LRRC37A2: variants seen among roughly 807,000 people sequenced by gnomAD.
The protein encoded by LRRC37A2 is leucine rich repeat containing 37 member A2, also known as leucine-rich repeat-containing protein 37A2.
A neutral mutation model predicts 68.8 loss-of-function variants in LRRC37A2; 9 were observed. That is an observed-to-expected ratio of 0.13 (90% CI 0.08 to 0.23). The LOEUF is 0.23. Among genes scored for constraint, LRRC37A2 ranks in the 10% least tolerant of loss-of-function variants. The probability of loss-of-function intolerance (pLI) is 1.00; values close to 1 mark genes in which losing one functional copy is unlikely to be tolerated. For missense variants in LRRC37A2, 168 were observed against 950.4 expected, an observed-to-expected ratio of 0.18 and a Z score of 10.82; for synonymous variants, 63 against 367.6, an observed-to-expected ratio of 0.17 and a Z score of 9.48.
the LRRC37A2 span, among the ~76,000 whole-genome samples, chr17:46,635,745 A>C: frequency 1.6e-5 from 2 of 121,846 alleles, no homozygotes; most frequent in East Asian, 4.1e-4. Context: ...ATTTTAGGAC[A>C]AGTATCTTCA....
chr17:46,796,554 T>C, the LRRC37A2 span, among the ~76,000 whole-genome samples: 1 of 152,194 alleles, frequency 6.6e-6, no homozygotes, highest in African/African-American at 2.4e-5. Flanking sequence ...AGAGATCCCA[T>C]CTGTATGTCC....
chr17:46,755,542 C>T, the LRRC37A2 span: 75 of 701,856 alleles, frequency 1.1e-4, 1 homozygote, highest in African/African-American at 1.3e-3. Flanking sequence ...TGTTGGTTTG[C>T]TCTCCCTGTC....
At chr17:46,760,152 T>TA in the LRRC37A2 span, among the ~76,000 whole-genome samples, 1 of 152,108 alleles carries the variant, frequency 6.6e-6, no homozygotes, top group Admixed American at 6.6e-5. Flanking sequence ...GAGTCCTAGT[T>TA]ACTTGGGAGG....
At chr17:46,858,414 GA>G in the LRRC37A2 span, among the ~76,000 whole-genome samples, 2 of 152,170 alleles carry the variant, frequency 1.3e-5, no homozygotes, top group Non-Finnish European at 2.9e-5. Context: ...TTCTACCCAA[GA>G]AATCTCTGCC....
At chr17:46,827,698 G>C in the LRRC37A2 span, among the ~76,000 whole-genome samples, 1 of 152,130 alleles carries the variant, frequency 6.6e-6, no homozygotes, top group Admixed American at 6.6e-5. Context: ...GTGTAGGGTA[G>C]TTGGATTAAA....
At chr17:47,019,087 A>G in the LRRC37A2 span, 10 of 1,294,146 alleles carry the variant, frequency 7.7e-6, no homozygotes, top group Non-Finnish European at 1.0e-5. Context: ...ACACCCCCGA[A>G]GAGGACTATA....
chr17:46,953,294 A>G, the LRRC37A2 span, among the ~76,000 whole-genome samples: 73,103 of 150,984 alleles, frequency 0.48, 17,609 homozygotes, highest in Middle Eastern at 0.56. Flanking sequence ...GAGAACATGC[A>G]GTGTTTGGTT....
chr17:46,911,547 G>A, the LRRC37A2 span: 1 of 152,226 alleles, frequency 6.6e-6, no homozygotes, highest in African/African-American at 2.4e-5. Context: ...AGCTTTGGAT[G>A]TTTTACGTAA....
chr17:46,804,035 T>C, the LRRC37A2 span, among the ~76,000 whole-genome samples: 1 of 152,072 alleles, frequency 6.6e-6, no homozygotes. Flanking sequence ...GCATTGACCT[T>C]GACTTGCATA....
the LRRC37A2 span, among the ~76,000 whole-genome samples, chr17:46,737,226 A>C: frequency 6.6e-6 from 1 of 152,212 alleles, no homozygotes; most frequent in East Asian, 1.9e-4. Context: ...GTCAAGTAGC[A>C]AATGAAGGTT....
the LRRC37A2 span, among the ~76,000 whole-genome samples, chr17:46,864,785 C>T: frequency 6.6e-6 from 1 of 152,170 alleles, no homozygotes; most frequent in African/African-American, 2.4e-5. Context: ...GCCAGTGGGT[C>T]GCCTTGGACG....
the LRRC37A2 span, among the ~76,000 whole-genome samples, chr17:46,739,929 G>A: frequency 6.6e-6 from 1 of 152,022 alleles, no homozygotes; most frequent in African/African-American, 2.4e-5. Flanking sequence ...CAAACTCCTG[G>A]CCTCAAGTGA....
chr17:46,984,390 G>A, the LRRC37A2 span, among the ~76,000 whole-genome samples: 1 of 152,162 alleles, frequency 6.6e-6, no homozygotes, highest in Admixed American at 6.5e-5. Flanking sequence ...GAGGGGCTCA[G>A]GAGCCTAAGG....
At chr17:46,849,321 G>C in the LRRC37A2 span, among the ~76,000 whole-genome samples, 3 of 152,196 alleles carry the variant, frequency 2.0e-5, no homozygotes, top group East Asian at 5.8e-4. Flanking sequence ...TTTTGAAAAG[G>C]TGTCACTTTG....
the LRRC37A2 span, chr17:46,694,435 G>A: frequency 1.2e-5 from 11 of 886,160 alleles, no homozygotes; most frequent in Middle Eastern, 2.5e-4. Context: ...TGGTGCTTTC[G>A]AGACTAGGAA....
At chr17:46,649,536 G>A in the LRRC37A2 span, among the ~76,000 whole-genome samples, 2,613 of 151,020 alleles carry the variant, frequency 0.017, 181 homozygotes, top group African/African-American at 0.061. Context: ...GAAGTGAAGC[G>A]GTTGGTGTTT....
At chr17:46,964,486 A>G in the LRRC37A2 span, 2 of 152,394 alleles carry the variant, frequency 1.3e-5, no homozygotes, top group Non-Finnish European at 2.9e-5. Flanking sequence ...AGTGTTCAGC[A>G]CCACGGACAG....
At chr17:46,959,223 CTG>C in the LRRC37A2 span, among the ~76,000 whole-genome samples, 4 of 152,324 alleles carry the variant, frequency 2.6e-5, no homozygotes, top group African/African-American at 7.2e-5. Flanking sequence ...GACAGACTGA[CTG>C]TGAGCTCAGA....
At chr17:47,018,963 C>A in the LRRC37A2 span, 1 of 1,519,580 alleles carries the variant, frequency 6.6e-7, no homozygotes, top group African/African-American at 1.4e-5. Context: ...GGTAACAAAT[C>A]CAACACCAGG....
Sources: gnomAD v4.1 joint callset for allele counts (sites outside exome capture counted in the v4.1 genomes callset) on GRCh38, gnomAD v4.1.1 for gene constraint, MANE v1.5 for transcripts, NCBI Gene and HGNC (gene_info 2026-07-23, HGNC 2026-07-21) for gene names.